The following DCHS2 variants were observed in gnomAD, a reference collection of about 807,000 sequenced individuals.
DCHS2 encodes protocadherin-23.
A neutral mutation model predicts 182.4 loss-of-function variants in DCHS2; 142 were observed. The observed-to-expected ratio is 0.78, with a 90% CI of 0.68 to 0.89. The LOEUF (loss-of-function observed/expected upper bound fraction) is 0.89, where lower values mean the gene tolerates loss of function less well. Among genes scored for constraint, DCHS2 ranks in the 40% least tolerant of loss-of-function variants. The pLI is 0.00. For missense variants in DCHS2, 4,319 were observed against 4,198.6 expected (o/e 1.03, Z -0.79); for synonymous variants, 1,740 against 1,663.3 (o/e 1.05, Z -1.12).
At chr4:154,485,291 GATGC>G (rs1183070227) in intron 1 of DCHS2, among the ~76,000 whole-genome samples, 1 of 152,182 alleles carries the variant, frequency 6.6e-6, no homozygotes, top group Non-Finnish European at 1.5e-5. Flanking sequence ...CAGTGAAAAA[GATGC>G]ATGCAAGAAA....
At chr4:154,407,610 G>A (rs1732455361) in intron 1 of DCHS2, among the ~76,000 whole-genome samples, 1 of 152,094 alleles carries the variant, frequency 6.6e-6, no homozygotes, top group African/African-American at 2.4e-5. Flanking sequence ...CAAAGTCCTG[G>A]TTGCTTTCTG....
chr4:154,288,016 G>A (rs1450761944), intron 13 of DCHS2, among the ~76,000 whole-genome samples: 1 of 152,146 alleles, frequency 6.6e-6, no homozygotes, highest in Non-Finnish European at 1.5e-5. Context: ...AAAGGGAAGA[G>A]AAGACTCTAA....
At chr4:154,389,023 G>A (rs890336107) in intron 1 of DCHS2, among the ~76,000 whole-genome samples, 2 of 151,984 alleles carry the variant, frequency 1.3e-5, no homozygotes, top group African/African-American at 4.8e-5. Flanking sequence ...AGCAAGGGCC[G>A]GACAGTAAAT....
At chr4:154,363,836 T>C (rs922907905) in intron 3 of DCHS2, among the ~76,000 whole-genome samples, 2 of 152,264 alleles carry the variant, frequency 1.3e-5, no homozygotes, top group African/African-American at 4.8e-5. Flanking sequence ...GTGTTTTCAG[T>C]TGCTGTCAAC....
At chr4:154,326,308 G>C (rs1479732539) in intron 7 of DCHS2, among the ~76,000 whole-genome samples, 2 of 152,206 alleles carry the variant, frequency 1.3e-5, no homozygotes, top group East Asian at 3.9e-4. Flanking sequence ...TTTTCTTACT[G>C]GTTTGCAGGA....
intron 1 of DCHS2, among the ~76,000 whole-genome samples, chr4:154,481,926 T>G (rs1410769405): frequency 1.3e-5 from 2 of 152,216 alleles, no homozygotes; most frequent in African/African-American, 2.4e-5. Context: ...CGAGCAAACC[T>G]CTTCCATCCT....
At chr4:154,461,574 T>A (rs565885268) in intron 1 of DCHS2, among the ~76,000 whole-genome samples, 97 of 152,318 alleles carry the variant, frequency 6.4e-4, no homozygotes, top group African/African-American at 2.2e-3. Context: ...TGACATAGTA[T>A]AATGACAGAT....
chr4:154,246,808 G>A (rs1732094285), intron 16 of DCHS2, among the ~76,000 whole-genome samples: 1 of 151,774 alleles, frequency 6.6e-6, no homozygotes, highest in South Asian at 2.1e-4. Flanking sequence ...TAAAATTCAG[G>A]AAATATCTTC....
chr4:154,241,955 T>A (rs1432402992), intron 17 of DCHS2, among the ~76,000 whole-genome samples: 1 of 152,162 alleles, frequency 6.6e-6, no homozygotes, highest in Non-Finnish European at 1.5e-5. Flanking sequence ...ATTTTAGGAA[T>A]TAATGTCGTA....
At chr4:154,471,131 A>G (rs886735467) in intron 1 of DCHS2, among the ~76,000 whole-genome samples, 11 of 152,232 alleles carry the variant, frequency 7.2e-5, no homozygotes, top group Admixed American at 7.2e-4. Flanking sequence ...AGATTTTATA[A>G]CCATTGCCAT....
rs1732124246 is a variant in DCHS2, at chr4:154,400,459, A to G, written c.2053-23015T>C. On this transcript the variant is annotated intron_variant, in intron 1 of 19. Coordinates refer to ENST00000357232, the MANE Select transcript of DCHS2 (RefSeq NM_001358235.2). ...AACCACCCATCGACCCTCGCCCCCCATGCTGTAAGGGTGGTTGAGTTATTT... is the reference window on the plus strand; with the variant it reads ...AACCACCCATCGACCCTCGCCCCCCGTGCTGTAAGGGTGGTTGAGTTATTT... Among the ~76,000 whole-genome samples, 3 of 84,114 alleles carry G rather than the reference A, an allele frequency of 3.6e-5. No individual in the cohort carries two copies. In the South Asian group the frequency reaches 1.5e-3, roughly 41 times the overall value. 55.2% of individuals were successfully genotyped at this position (84,114 alleles called of 152,430 possible).
chr4:154,301,319 T>C (rs144022056), intron 12 of DCHS2, among the ~76,000 whole-genome samples: 157 of 152,190 alleles, frequency 1.0e-3, no homozygotes, highest in Middle Eastern at 3.4e-3. Context: ...ATAAAGACTA[T>C]TCATTAACTT....
At chr4:154,352,668 G>C (rs1729675322) in intron 3 of DCHS2, among the ~76,000 whole-genome samples, 1 of 152,162 alleles carries the variant, frequency 6.6e-6, no homozygotes, top group African/African-American at 2.4e-5. Context: ...CTGAAAGCAA[G>C]TGCTCCATAA....
At chr4:154,329,838 T>C (rs1736450783) in intron 5 of DCHS2, 128 bp from the exon 6 acceptor site, 2 of 776,444 alleles carry the variant, frequency 2.6e-6, no homozygotes, top group East Asian at 2.6e-5. Context: ...ACCATCTACA[T>C]AGTAGTTTGG....
Position 154,236,537 on chromosome 4 carries a change from G to C in DCHS2, c.8115C>G (p.Ile2705Met). ...GSHAEIIYNI[I>M]SGNEKGHFYL... is the part of the protein sequence containing the mutation. The stretch of plus-strand genomic sequence containing the variant: ...AAAAATGTCCCTTCTCATTTCCAGA[G>C]ATGATGTTGTAGATGATTTCTGCAT... Residue 2705 changes from isoleucine (I) to methionine (M), a missense_variant, in exon 20 of 20, where the codon ATC becomes ATG. Ile to Met is a conservative substitution (Grantham distance 10). Transcript: ENST00000357232. 1 of 1,613,962 alleles carries C rather than the reference G, an allele frequency of 6.2e-7. No homozygotes were observed. Among genetic ancestry groups the C allele is most frequent in the Non-Finnish European group, 8.5e-7 (1 of 1,179,958 alleles).
Position 154,234,384 on chromosome 4 carries a change from GAA to G in DCHS2, c.*150_*151del. ...TTCATTAAGGCTGGAAGAAATTGGA[GAA>G]ACTTTAATGGGGAAGTTTTAAAAAC... is the stretch of plus-strand genomic sequence containing the variant. On this transcript the variant is annotated 3_prime_UTR_variant, in exon 20 of 20. Coordinates refer to ENST00000357232, the MANE Select transcript of DCHS2 (RefSeq NM_001358235.2). 2 of 1,118,858 alleles carry G rather than the reference GAA, an allele frequency of 1.8e-6. No homozygotes were observed. The highest frequency in any genetic ancestry group is 1.2e-6 in the Non-Finnish European group (1 of 819,708). 69.3% of individuals were successfully genotyped at this position (1,118,858 alleles called of 1,614,324 possible).
chr4:154,370,797 A>T (rs770431807), intron 2 of DCHS2, among the ~76,000 whole-genome samples: 14 of 152,158 alleles, frequency 9.2e-5, no homozygotes, highest in Non-Finnish European at 1.6e-4. Flanking sequence ...CAGTGCAGAA[A>T]ATGCAGCGTC....
intron 13 of DCHS2, among the ~76,000 whole-genome samples, chr4:154,294,376 T>C (rs912947036): frequency 1.3e-5 from 2 of 152,196 alleles, no homozygotes; most frequent in Admixed American, 6.5e-5. Context: ...GTTAAAGATG[T>C]ATGAAGCAGA....
intron 3 of DCHS2, among the ~76,000 whole-genome samples, chr4:154,358,860 A>G (rs1006575507): frequency 9.9e-5 from 15 of 151,870 alleles, no homozygotes; most frequent in African/African-American, 3.1e-4. Flanking sequence ...AGGGGCTAGA[A>G]AACATGTAAC....
Sources: gnomAD v4.1 joint callset for allele counts (sites outside exome capture counted in the v4.1 genomes callset) on GRCh38, gnomAD v4.1.1 for gene constraint, MANE v1.5 for transcripts, NCBI Gene and HGNC (gene_info 2026-07-23, HGNC 2026-07-21) for gene names.